Variants in CMTM4 observed in about 807,000 individuals in gnomAD.
CMTM4 encodes CKLF like MARVEL transmembrane domain containing 4.
CMTM4 carries 8 observed loss-of-function variants against 19.0 expected under a neutral mutation model. The ratio of observed to expected loss-of-function variants is 0.42; its 90% CI spans 0.25 to 0.76. The LOEUF is 0.76. Ranked by LOEUF, CMTM4 falls within the 30% of genes least tolerant of loss-of-function variation. The pLI, the probability that CMTM4 is intolerant of heterozygous loss-of-function variation, is 0.27. For synonymous variants in CMTM4, 106 were observed against 121.1 expected (o/e 0.88, Z 0.82); for missense variants, 228 against 290.2 (o/e 0.79, Z 1.56).
intron 1 of CMTM4, among the ~76,000 whole-genome samples, chr16:66,658,964 G>A (rs1292343211): frequency 1.3e-5 from 2 of 152,116 alleles, no homozygotes; most frequent in Non-Finnish European, 2.9e-5. Flanking sequence ...TGTGGATGCC[G>A]TAGGATGAAG....
chr16:66,657,318 G>T (rs1050278927), intron 1 of CMTM4, among the ~76,000 whole-genome samples: 1 of 151,970 alleles, frequency 6.6e-6, no homozygotes, highest in Non-Finnish European at 1.5e-5. Context: ...GCCAGGCTCC[G>T]GACCTCAGGT....
At chr16:66,651,300 C>T (rs1225928297) in intron 1 of CMTM4, among the ~76,000 whole-genome samples, 2 of 152,152 alleles carry the variant, frequency 1.3e-5, no homozygotes, top group African/African-American at 2.4e-5. Flanking sequence ...TTTATACACA[C>T]GCTAAACAAC....
intron 1 of CMTM4, among the ~76,000 whole-genome samples, chr16:66,685,608 G>A (rs918568353): frequency 4.6e-5 from 7 of 152,074 alleles, no homozygotes; most frequent in Middle Eastern, 3.4e-3. Flanking sequence ...AGCATCCTTT[G>A]GAGTGCCATA....
At chr16:66,693,412 CCGCAGAGTTAGAACTTA>C (rs1267908859) in intron 1 of CMTM4, among the ~76,000 whole-genome samples, 1 of 152,170 alleles carries the variant, frequency 6.6e-6, no homozygotes, top group Non-Finnish European at 1.5e-5. Context: ...TTTCTCCAAA[CCGCAGAGTTAGAACTTA>C]CTCATATTTC....
chr16:66,617,543 T>A lies in CMTM4; in HGVS notation c.*4515A>T. ...AACATTCACTTTCGGAAGAAAATTT[T>A]TCTAGACCTAACAGATATTGACGGT... On this transcript the variant is annotated 3_prime_UTR_variant, in exon 4 of 4. Transcript: ENST00000394106. The A allele has an allele frequency of 7.3e-7, 1 of 1,372,184 alleles. No homozygotes were observed. The highest frequency in any genetic ancestry group is 2.7e-5 in the East Asian group (1 of 36,368). 85.0% of individuals were successfully genotyped at this position (1,372,184 alleles called of 1,614,324 possible).
At chr16:66,688,634 C>T (rs1010044153) in intron 1 of CMTM4, among the ~76,000 whole-genome samples, 2 of 152,068 alleles carry the variant, frequency 1.3e-5, no homozygotes, top group African/African-American at 4.8e-5. Context: ...TAGCCCTTTG[C>T]CTGGCTAATA....
chr16:66,658,932 A>C (rs541055654), intron 1 of CMTM4, among the ~76,000 whole-genome samples: 1 of 152,176 alleles, frequency 6.6e-6, no homozygotes, highest in Admixed American at 6.5e-5. Context: ...AAAGCAAGAC[A>C]ATCAGCTGCT....
chr16:66,633,205 T>C (rs2015918067), intron 2 of CMTM4, among the ~76,000 whole-genome samples: 1 of 149,848 alleles, frequency 6.7e-6, no homozygotes. Context: ...ATTAACAGAA[T>C]CATTCAAATT....
At chr16:66,674,109 G>T (rs548472698) in intron 1 of CMTM4, among the ~76,000 whole-genome samples, 1 of 152,246 alleles carries the variant, frequency 6.6e-6, no homozygotes, top group Non-Finnish European at 1.5e-5. Flanking sequence ...GAGCTAGGCA[G>T]AGCCAAGTTC....
intron 2 of CMTM4, among the ~76,000 whole-genome samples, chr16:66,631,405 C>T (rs1285778353): frequency 2.6e-5 from 4 of 152,036 alleles, no homozygotes; most frequent in African/African-American, 7.2e-5. Context: ...CCCCTCTGCC[C>T]GGCCACCACC....
intron 1 of CMTM4, among the ~76,000 whole-genome samples, chr16:66,679,853 G>A (rs1359098313): frequency 4.7e-5 from 7 of 148,858 alleles, no homozygotes; most frequent in African/African-American, 1.2e-4. Context: ...AGATGAGACC[G>A]ATGAGTGATG....
intron 1 of CMTM4, among the ~76,000 whole-genome samples, chr16:66,654,296 C>T (rs916296280): frequency 6.6e-5 from 10 of 152,056 alleles, no homozygotes; most frequent in African/African-American, 2.2e-4. Context: ...ACCCCAGAAC[C>T]CTCTACAGCA....
intron 1 of CMTM4, among the ~76,000 whole-genome samples, chr16:66,658,970 T>C (rs1409532882): frequency 2.6e-5 from 4 of 152,120 alleles, no homozygotes; most frequent in African/African-American, 9.7e-5. Flanking sequence ...TGCCGTAGGA[T>C]GAAGCCAGCA....
rs188474486 is a variant in CMTM4, at chr16:66,678,271, C to G, written c.186+18069G>C. ...CACAAAGCCATAAAGAATGCTCCTC[C>G]AGCAACCCGGAGATGCAGGGCTCCC... On this transcript the variant is annotated intron_variant, in intron 1 of 3. Transcript: ENST00000394106. Among the ~76,000 whole-genome samples, 16 of 152,252 alleles carry G rather than the reference C, an allele frequency of 1.1e-4. No individual in the cohort carries two copies. The East Asian group carries it at 2.9e-3, about 28-fold the overall frequency.
intron 1 of CMTM4, among the ~76,000 whole-genome samples, chr16:66,674,439 C>T (rs1464942784): frequency 1.3e-5 from 2 of 152,194 alleles, no homozygotes; most frequent in Admixed American, 6.5e-5. Flanking sequence ...TCGGTGCACA[C>T]ACCCAGACAG....
chr16:66,603,119 G>A, the CMTM4 span, among the ~76,000 whole-genome samples: 2 of 152,078 alleles, frequency 1.3e-5, no homozygotes, highest in Admixed American at 6.6e-5. Context: ...GTCTTTGAGG[G>A]GCAGAGCCTT....
At chr16:66,687,728 C>T (rs994701376) in intron 1 of CMTM4, among the ~76,000 whole-genome samples, 1 of 146,168 alleles carries the variant, frequency 6.8e-6, no homozygotes, top group Non-Finnish European at 1.5e-5. Flanking sequence ...CGCTCTGTCG[C>T]CCAGGCTGGA....
chr16:66,643,539 T>C (rs867189329), intron 1 of CMTM4, among the ~76,000 whole-genome samples: 4 of 152,200 alleles, frequency 2.6e-5, no homozygotes, highest in African/African-American at 9.6e-5. Context: ...ATGCATAAAA[T>C]TGTAAGTACA....
chr16:66,687,682 A>ATTTT (rs1176777153), intron 1 of CMTM4, among the ~76,000 whole-genome samples: 12 of 93,306 alleles, frequency 1.3e-4, no homozygotes, highest in African/African-American at 3.8e-4. Context: ...AAAAAGGGTA[A>ATTTT]TTTTTTTTTT....
Sources: gnomAD v4.1 joint callset for allele counts (sites outside exome capture counted in the v4.1 genomes callset) on GRCh38, gnomAD v4.1.1 for gene constraint, MANE v1.5 for transcripts, NCBI Gene and HGNC (gene_info 2026-07-23, HGNC 2026-07-21) for gene names.